Variants in HECW1 observed in about 807,000 individuals in gnomAD.
HECW1 encodes HECT, C2 and WW domain containing E3 ubiquitin protein ligase 1, also known as E3 ubiquitin-protein ligase HECW1.
A neutral mutation model predicts 182.3 loss-of-function variants in HECW1; 61 were observed. The ratio of observed to expected loss-of-function variants is 0.33; its 90% CI spans 0.27 to 0.41. The LOEUF (loss-of-function observed/expected upper bound fraction) is 0.41, where lower values mean the gene tolerates loss of function less well. Among genes scored for constraint, HECW1 ranks in the 10% least tolerant of loss-of-function variants. The pLI is 1.00. For synonymous variants in HECW1, 859 were observed against 832.6 expected, an observed-to-expected ratio of 1.03 and a Z score of -0.55; for missense variants, 1,739 against 2,108.9, an observed-to-expected ratio of 0.82 and a Z score of 3.44.
intron 2 of HECW1, among the ~76,000 whole-genome samples, chr7:43,240,207 G>A (rs1401369327): frequency 8.5e-5 from 13 of 152,068 alleles, no homozygotes; most frequent in Admixed American, 3.3e-4. Context: ...GCATGGTGGT[G>A]GGCGCTTGTA....
intron 2 of HECW1, among the ~76,000 whole-genome samples, chr7:43,143,871 C>G (rs181740565): frequency 6.6e-6 from 1 of 152,334 alleles, no homozygotes; most frequent in Non-Finnish European, 1.5e-5. Context: ...CTAGAGGGAA[C>G]TAGGTAGTTT....
chr7:43,230,115 G>C (rs1010127242), intron 2 of HECW1, among the ~76,000 whole-genome samples: 1 of 152,200 alleles, frequency 6.6e-6, no homozygotes, highest in Non-Finnish European at 1.5e-5. Context: ...TCAGTGGGCT[G>C]GGCACAGTGG....
intron 2 of HECW1, among the ~76,000 whole-genome samples, chr7:43,115,272 T>A (rs1784949144): frequency 6.7e-6 from 1 of 149,838 alleles, no homozygotes; most frequent in Non-Finnish European, 1.5e-5. Flanking sequence ...TCCCCATAAG[T>A]GAAATTACTC....
chr7:43,534,777 C>T (rs2081116169), intron 24 of HECW1, among the ~76,000 whole-genome samples: 1 of 152,174 alleles, frequency 6.6e-6, no homozygotes, highest in African/African-American at 2.4e-5. Context: ...TGTTTGTAAG[C>T]AGAGCAGAAG....
In HECW1 at chr7:43,394,825, C is replaced by T. The variant is rs192104448; in HGVS notation, c.556-1989C>T. On this transcript the variant is annotated intron_variant, in intron 6 of 29. Transcript: ENST00000395891. Reference sequence around the variant, plus strand: ...GAGCCGGCTGTGCTGTGCGGGAGACCGGAGTTTATTATTACTCAAATCCAT... The same window carrying T: ...GAGCCGGCTGTGCTGTGCGGGAGACTGGAGTTTATTATTACTCAAATCCAT... 1.4e-4 allele frequency among the ~76,000 whole-genome samples: 21 copies of T among 152,210 alleles called. No individual in the cohort carries two copies. The East Asian group carries it at 1.7e-3, about 13-fold the overall frequency.
chr7:43,290,805 C>T (rs1318563349), intron 3 of HECW1, among the ~76,000 whole-genome samples: 1 of 152,168 alleles, frequency 6.6e-6, no homozygotes, highest in Non-Finnish European at 1.5e-5. Context: ...CCCAGGGAGG[C>T]AGTGCTTGGG....
intron 2 of HECW1, among the ~76,000 whole-genome samples, chr7:43,185,085 G>A (rs1437024142): frequency 6.6e-6 from 1 of 152,092 alleles, no homozygotes; most frequent in Non-Finnish European, 1.5e-5. Context: ...GTGTGGGGAT[G>A]CAGATGCAAA....
Position 43,383,886 on chromosome 7 carries a change from A to C in HECW1, c.556-12928A>C, listed in dbSNP as rs371714515. Among the ~76,000 whole-genome samples the C allele has an allele frequency of 2.0e-5, 3 of 152,348 alleles. No individual in the cohort carries two copies. The East Asian group carries it at 5.8e-4, about 29-fold the overall frequency. On this transcript the variant is annotated intron_variant, in intron 6 of 29. Coordinates refer to ENST00000395891, the MANE Select transcript of HECW1 (RefSeq NM_015052.5). ...TATTATATACCATATTCTTACAATA[A>C]AGTAAGCTAGAGAAAAAATATTAAG...
intron 16 of HECW1, among the ~76,000 whole-genome samples, chr7:43,472,244 A>C (rs1348995392): frequency 6.6e-6 from 1 of 152,142 alleles, no homozygotes; most frequent in East Asian, 1.9e-4. Context: ...AAAAAAAAAG[A>C]AATGCAAAAA....
intron 2 of HECW1, among the ~76,000 whole-genome samples, chr7:43,212,196 G>T (rs1398996704): frequency 1.3e-5 from 2 of 152,066 alleles, no homozygotes; most frequent in Non-Finnish European, 2.9e-5. Context: ...CATTTTCAAG[G>T]CTATTAAATG....
intron 24 of HECW1, among the ~76,000 whole-genome samples, chr7:43,518,170 C>A (rs1041626603): frequency 4.6e-5 from 7 of 152,030 alleles, no homozygotes; most frequent in Non-Finnish European, 1.0e-4. Flanking sequence ...TTTTTAGAGA[C>A]AATCTTTTTA....
At chr7:43,129,639 C>T (rs143414003) in intron 2 of HECW1, among the ~76,000 whole-genome samples, 375 of 152,162 alleles carry the variant, frequency 2.5e-3, no homozygotes, top group Admixed American at 4.1e-3. Context: ...AAAAACAAAA[C>T]GGATAAAGGA....
intron 4 of HECW1, among the ~76,000 whole-genome samples, chr7:43,314,733 C>A (rs1277333145): frequency 6.6e-6 from 1 of 152,194 alleles, no homozygotes; most frequent in African/African-American, 2.4e-5. Flanking sequence ...AACGGCATAG[C>A]ATTTCAAAAA....
chr7:43,144,219 CTATGTGG>C (rs1788460347), intron 2 of HECW1, among the ~76,000 whole-genome samples: 1 of 152,136 alleles, frequency 6.6e-6, no homozygotes, highest in Non-Finnish European at 1.5e-5. Flanking sequence ...TATACTGGGG[CTATGTGG>C]TTTGAAGAGT....
rs973490950 is a variant in HECW1, at chr7:43,348,147, C to CT, written c.461-12731dup. Reference sequence around the variant, plus strand: ...TGCTGTGAATCTGTCTGGTCCTGGACTTTTTTTTGTTTGTAATTTTTTAAT... The same window carrying CT: ...TGCTGTGAATCTGTCTGGTCCTGGACTTTTTTTTTGTTTGTAATTTTTTAAT... On this transcript the variant is annotated intron_variant, in intron 5 of 29. Coordinates refer to ENST00000395891, the MANE Select transcript of HECW1 (RefSeq NM_015052.5). 2.0e-5 allele frequency among the ~76,000 whole-genome samples: 3 copies of CT among 151,858 alleles called. No individual in the cohort carries two copies. The East Asian group carries it at 5.8e-4, about 29-fold the overall frequency.
chr7:43,251,383 C>T (rs146386526), intron 3 of HECW1, among the ~76,000 whole-genome samples: 9 of 152,298 alleles, frequency 5.9e-5, no homozygotes, highest in African/African-American at 1.9e-4. Context: ...GGCCTTGGCT[C>T]ACTGCAACTT....
chr7:43,435,917 C>A (rs2076695451), intron 8 of HECW1, among the ~76,000 whole-genome samples: 1 of 152,168 alleles, frequency 6.6e-6, no homozygotes. Flanking sequence ...GTAATCCCAG[C>A]ACTTTGGGAG....
chr7:43,398,408 C>G (rs1010542463), intron 7 of HECW1, among the ~76,000 whole-genome samples: 3 of 152,174 alleles, frequency 2.0e-5, no homozygotes, highest in African/African-American at 7.2e-5. Context: ...CCTGAGGACT[C>G]TGTTGAGCAC....
intron 6 of HECW1, among the ~76,000 whole-genome samples, chr7:43,376,529 C>T (rs901414284): frequency 6.6e-5 from 10 of 152,034 alleles, no homozygotes; most frequent in Non-Finnish European, 1.2e-4. Flanking sequence ...AATGGCCTCT[C>T]AATAAAAACT....
Sources: gnomAD v4.1 joint callset for allele counts (sites outside exome capture counted in the v4.1 genomes callset) on GRCh38, gnomAD v4.1.1 for gene constraint, MANE v1.5 for transcripts, NCBI Gene and HGNC (gene_info 2026-07-23, HGNC 2026-07-21) for gene names.